ADCY1: variants seen among roughly 807,000 people sequenced by gnomAD.
The protein encoded by ADCY1 is adenylate cyclase type 1.
Under a neutral mutation model 105.4 loss-of-function variants are expected in ADCY1, and 28 were observed. The ratio of observed to expected loss-of-function variants is 0.27; its 90% confidence interval spans 0.20 to 0.36. The LOEUF is 0.36. Ranked by LOEUF, ADCY1 falls within the 10% of genes least tolerant of loss-of-function variation. The pLI, the probability that ADCY1 is intolerant of heterozygous loss-of-function variation, is 1.00. For synonymous variants in ADCY1, 655 were observed against 623.8 expected (o/e 1.05, Z -0.75); for missense variants, 977 against 1,434.2 (o/e 0.68, Z 5.15).
At chr7:45,712,962 C>T (rs1477605974) in intron 19 of ADCY1, among the ~76,000 whole-genome samples, 1 of 152,162 alleles carries the variant, frequency 6.6e-6, no homozygotes, top group Non-Finnish European at 1.5e-5. Flanking sequence ...ATGCTGGTCC[C>T]TCCCTCCCCT....
chr7:45,640,742 G>C lies in ADCY1; in HGVS notation c.1021-7928G>C, dbSNP rs193277010. Among the ~76,000 whole-genome samples the C allele has an allele frequency of 1.2e-3, 188 of 152,272 alleles. 1 individual carries two copies. Among genetic ancestry groups the C allele is most frequent in the African/African-American group, 4.1e-3 (172 of 41,546 alleles). On this transcript the variant is annotated intron_variant, in intron 4 of 19. Transcript: ENST00000297323. Reference sequence around the variant, plus strand: ...GATGTTATCTTTATTTTCTATAGGGGACCAAACATCCTTTAACTTTTAACT... The same window carrying C: ...GATGTTATCTTTATTTTCTATAGGGCACCAAACATCCTTTAACTTTTAACT...
chr7:45,574,784 C>T lies in ADCY1; in HGVS notation c.241C>T (p.Leu81=), dbSNP rs1792278673. 5 of 1,526,330 alleles carry T rather than the reference C, an allele frequency of 3.3e-6. No individual in the cohort carries two copies. Among genetic ancestry groups the T allele is most frequent in the Non-Finnish European group, 3.5e-6 (4 of 1,143,444 alleles). The allele number at this position is 1,526,330 out of a possible 1,614,324, so 94.5% of individuals were successfully genotyped here. Residue 81 remains leucine (L), a synonymous_variant, in exon 1 of 20, where the codon CTG becomes TTG. Transcript: ENST00000297323. The surrounding 1 kb of genome is among the most constrained non-coding windows in gnomAD (Gnocchi z 7.0). ...GGGCGCGCTGGCGCTGGCCGAGCTGCTGGGCGCGCCGGGGCCCGCGCCCGG... is the reference window on the plus strand; with the variant it reads ...GGGCGCGCTGGCGCTGGCCGAGCTGTTGGGCGCGCCGGGGCCCGCGCCCGG... ...LAGALALAEL[L]GAPGPAPGLA...
At position 45,657,746 on chromosome 7, in the gene ADCY1, G is replaced by A. The variant is rs753372827; in HGVS notation, c.1168G>A (p.Glu390Lys). 6 of 1,613,696 alleles carry A rather than the reference G, an allele frequency of 3.7e-6. No individual in the cohort carries two copies. The highest frequency in any genetic ancestry group is 1.1e-5 in the South Asian group (1 of 90,938). ...DTITSVAEAT[E>K]VDLNMRVGLH... ...TTGCAGATCTGTGGCTGAAGCCACC[G>A]AGGTGGATCTGAACATGCGTGTGGG... Residue 390 changes from glutamate to lysine, a missense_variant, in exon 6 of 20, where the codon GAG (glutamate) becomes AAG (lysine). By Grantham distance (56) the Glu-to-Lys change is moderately conservative (BLOSUM62 1). Around this residue, in one of 7 missense-constraint regions of ADCY1, gnomAD observed 196 missense variants for 347.8 expected, o/e 0.56. Coordinates refer to ENST00000297323, the MANE Select transcript of ADCY1 (RefSeq NM_021116.4).
intron 2 of ADCY1, among the ~76,000 whole-genome samples, chr7:45,606,675 C>T (rs1218835363): frequency 1.3e-5 from 2 of 152,198 alleles, no homozygotes; most frequent in African/African-American, 4.8e-5. Flanking sequence ...AAATACTTCT[C>T]CATCTTCCCA....
At chr7:45,588,369 A>C (rs997730712) in intron 1 of ADCY1, among the ~76,000 whole-genome samples, 6 of 152,166 alleles carry the variant, frequency 3.9e-5, no homozygotes, top group Admixed American at 6.5e-5. Context: ...AGGGAGCCCC[A>C]GTTCCTTTTA....
intron 11 of ADCY1, among the ~76,000 whole-genome samples, chr7:45,681,597 G>A (rs1306057119): frequency 6.6e-6 from 1 of 152,160 alleles, no homozygotes; most frequent in Non-Finnish European, 1.5e-5. Flanking sequence ...GGACAGGAGA[G>A]GGGATTCAGC....
At chr7:45,684,898 C>G in intron 11 of ADCY1, 81 bp from the exon 12 acceptor site, 1 of 1,272,616 alleles carries the variant, frequency 7.9e-7, no homozygotes, top group Non-Finnish European at 1.1e-6. Context: ...TCTGCACATT[C>G]CACTATAGGA....
In ADCY1 at chr7:45,717,012, C is replaced by G. The variant is rs1345371369; in HGVS notation, c.*3017C>G. ...GAGTTTGGCAACAACCCAAGTGAGCCTGAAGCAGATTCGCCCCAGAGCCTC... is the reference window on the plus strand; with the variant it reads ...GAGTTTGGCAACAACCCAAGTGAGCGTGAAGCAGATTCGCCCCAGAGCCTC... On this transcript the variant is annotated 3_prime_UTR_variant, in exon 20 of 20. Coordinates refer to ENST00000297323, the MANE Select transcript of ADCY1 (RefSeq NM_021116.4). 6.6e-6 allele frequency: 1 copy of G among 152,422 alleles called. No homozygotes were observed. The highest frequency in any genetic ancestry group is 1.5e-5 in the Non-Finnish European group (1 of 68,206). 9.4% of individuals were successfully genotyped at this position (152,422 alleles called of 1,614,324 possible).
rs2293108 is a variant in ADCY1, at chr7:45,678,066, A to G, written c.1800+3A>G. ...AACATGTCGAACGGGAGCAAAAGGT[A>G]AGCAACTCTGGTTTTCGGCTTCCCT... On this transcript the variant is annotated splice_donor_region_variant and intron_variant, in intron 9 of 19. Coordinates refer to ENST00000297323, the MANE Select transcript of ADCY1 (RefSeq NM_021116.4). 12 of 1,613,868 alleles carry G rather than the reference A, an allele frequency of 7.4e-6. No individual in the cohort carries two copies. In the East Asian group the frequency reaches 2.7e-4, roughly 36 times the overall value.
Position 45,574,949 on chromosome 7 carries a change from C to G in ADCY1, c.406C>G (p.Leu136Val). 1 of 1,611,928 alleles carries G rather than the reference C, an allele frequency of 6.2e-7. No homozygotes were observed. The highest frequency in any genetic ancestry group is 8.5e-7 in the Non-Finnish European group (1 of 1,179,648). ...GCTCTTCAGCCTCACCTTCGCGCTG[C>G]TCTGCTGTCCTTTCGCGCTGGGCGG... ...ALLFSLTFALLCCPFALGGPA... is the reference protein window; with the variant it reads ...ALLFSLTFALVCCPFALGGPA... The change falls in exon 1 of 20, where the codon CTC (leucine) becomes GTC (valine). Residue 136 changes from leucine to valine, a missense_variant. By Grantham distance (32) the Leu-to-Val change is conservative (BLOSUM62 1). Around this residue, in one of 7 missense-constraint regions of ADCY1, gnomAD observed 209 missense variants for 222.5 expected, o/e 0.94. Coordinates refer to ENST00000297323, the MANE Select transcript of ADCY1 (RefSeq NM_021116.4). This position sits in a 1 kb window ranked among gnomAD's most constrained non-coding sequence, Gnocchi z 7.0.
intron 17 of ADCY1, among the ~76,000 whole-genome samples, chr7:45,707,136 G>A (rs1785137250): frequency 6.6e-6 from 1 of 152,232 alleles, no homozygotes; most frequent in Non-Finnish European, 1.5e-5. Flanking sequence ...CACTGTGGGA[G>A]AGAGTTTGGT....
intron 4 of ADCY1, among the ~76,000 whole-genome samples, chr7:45,625,186 AGG>A (rs1794017011): frequency 1.3e-5 from 2 of 152,110 alleles, no homozygotes; most frequent in South Asian, 4.1e-4. Flanking sequence ...GCCACTGTCC[AGG>A]GTGTATGGGC....
At chr7:45,659,207 G>C (rs2116111484) in intron 6 of ADCY1, among the ~76,000 whole-genome samples, 1 of 152,358 alleles carries the variant, frequency 6.6e-6, no homozygotes, top group Middle Eastern at 3.4e-3. Flanking sequence ...CAGGATCCCA[G>C]TGAGCATGGC....
chr7:45,594,848 T>G (rs1047602713), intron 2 of ADCY1, among the ~76,000 whole-genome samples: 4 of 152,172 alleles, frequency 2.6e-5, no homozygotes, highest in African/African-American at 9.7e-5. Flanking sequence ...CAAATGCTAT[T>G]TAGTGTTCAG....
rs1785482846 is a variant in ADCY1, at chr7:45,721,985, A to G, written c.*7990A>G. On this transcript the variant is annotated 3_prime_UTR_variant, in exon 20 of 20. Transcript: ENST00000297323. ...ATCTCGTGCAGGACTGTGCAACAGTAGCCCAGAGCATCCTGCCTGTGGGCA... is the reference window on the plus strand; with the variant it reads ...ATCTCGTGCAGGACTGTGCAACAGTGGCCCAGAGCATCCTGCCTGTGGGCA... 2.5e-6 allele frequency: 1 copy of G among 395,950 alleles called. No individual in the cohort carries two copies. The highest frequency in any genetic ancestry group is 4.4e-5 in the Admixed American group (1 of 22,616). 24.5% of individuals were successfully genotyped at this position (395,950 alleles called of 1,614,324 possible).
chr7:45,586,266 C>T (rs1333460592), intron 1 of ADCY1, among the ~76,000 whole-genome samples: 1 of 152,074 alleles, frequency 6.6e-6, no homozygotes, highest in East Asian at 1.9e-4. Flanking sequence ...ACTGAGGTGC[C>T]AGTGGTTACA....
chr7:45,709,303 T>A (rs1785181271), intron 18 of ADCY1, among the ~76,000 whole-genome samples: 1 of 152,116 alleles, frequency 6.6e-6, no homozygotes, highest in Non-Finnish European at 1.5e-5. Context: ...TGATGGTGGG[T>A]CGGGGAAATT....
At chr7:45,583,098 TG>T (rs1792608751) in intron 1 of ADCY1, among the ~76,000 whole-genome samples, 1 of 152,196 alleles carries the variant, frequency 6.6e-6, no homozygotes, top group Non-Finnish European at 1.5e-5. Context: ...GCTCTCTGGG[TG>T]GGGCCTCTGT....
rs2116054215 is a variant in ADCY1, at chr7:45,647,375, A to G, written c.1021-1295A>G. ...AGCACAGGGGTCATGAGAGCTGATG[A>G]TTCTCATTCCAAATGCACTTGTGTT... On this transcript the variant is annotated intron_variant, in intron 4 of 19. Coordinates refer to ENST00000297323, the MANE Select transcript of ADCY1 (RefSeq NM_021116.4). The surrounding 1 kb of genome is among the most constrained non-coding windows in gnomAD (Gnocchi z 4.6). 6.6e-6 allele frequency among the ~76,000 whole-genome samples: 1 copy of G among 152,338 alleles called. No individual in the cohort carries two copies. Among genetic ancestry groups the G allele is most frequent in the South Asian group, 2.1e-4 (1 of 4,832 alleles).
Sources: allele counts gnomAD v4.1 joint callset (sites outside exome capture counted in the v4.1 genomes callset), GRCh38; gene constraint gnomAD v4.1.1; regional missense constraint gnomAD v4.1.1; non-coding constraint Gnocchi (gnomAD v3.1); transcripts MANE v1.5; gene names NCBI Gene and HGNC (gene_info 2026-07-23, HGNC 2026-07-21).